Variants in PRDX6 observed in about 807,000 individuals in gnomAD.
The protein encoded by PRDX6 is peroxiredoxin-6.
A neutral mutation model predicts 20.0 loss-of-function variants in PRDX6; 13 were observed. The observed-to-expected ratio is 0.65, with a 90% CI of 0.42 to 1.03. PRDX6 has a LOEUF of 1.03. PRDX6 is among the 50% of genes least tolerant of loss of function. PRDX6 has a pLI of 0.00. For synonymous variants in PRDX6, 85 were observed against 100.8 expected, an observed-to-expected ratio of 0.84 and a Z score of 0.94; for missense variants, 203 against 276.9, an observed-to-expected ratio of 0.73 and a Z score of 1.89.
chr1:173,482,980 A>C (rs979599419), intron 2 of PRDX6, among the ~76,000 whole-genome samples: 7 of 152,236 alleles, frequency 4.6e-5, no homozygotes, highest in African/African-American at 7.2e-5. Flanking sequence ...GTTCTTTTTA[A>C]TGCAAGATGA....
rs1166405323 is a variant in PRDX6, at chr1:173,488,240, C to T, written c.*377C>T. The T allele has an allele frequency of 6.2e-6, 1 of 161,794 alleles. No homozygotes were observed. Among genetic ancestry groups the T allele is most frequent in the African/African-American group, 2.4e-5 (1 of 41,712 alleles). 10.0% of individuals were successfully genotyped at this position (161,794 alleles called of 1,614,324 possible). A position where few individuals can be genotyped will look rare whatever the true frequency, so the allele number is the denominator to read the frequency against. ...TTTTTTTTTAACTGTCCTATCACGT[C>T]CTCTCCTGTCACCCATTTTGAAGAG... On this transcript the variant is annotated 3_prime_UTR_variant, in exon 5 of 5. Coordinates refer to ENST00000340385, the MANE Select transcript of PRDX6 (RefSeq NM_004905.3).
At chr1:173,481,579 T>G in intron 2 of PRDX6, 97 bp downstream of exon 2, 1 of 1,293,492 alleles carries the variant, frequency 7.7e-7, no homozygotes, top group Non-Finnish European at 1.1e-6. Flanking sequence ...AAGTAAGCCT[T>G]AGGTTCAAAG....
rs1658935221 is a variant in PRDX6 at position 173,488,308 on chromosome 1, A to G, written c.*445A>G. The stretch of plus-strand genomic sequence containing the variant: ...CAACTTCCTCTGTAAATATCCAAGT[A>G]TAAAGCCCAGGAACTTCTAGAATAA... On this transcript the variant is annotated 3_prime_UTR_variant, in exon 5 of 5. Coordinates refer to ENST00000340385, the MANE Select transcript of PRDX6 (RefSeq NM_004905.3). The G allele has an allele frequency of 6.5e-6, 1 of 154,418 alleles. No homozygotes were observed. The allele number at this position is 154,418 out of a possible 1,614,324, so 9.6% of individuals were successfully genotyped here.
intron 1 of PRDX6, among the ~76,000 whole-genome samples, chr1:173,480,891 G>A (rs1404114618): frequency 6.6e-6 from 1 of 152,116 alleles, no homozygotes; most frequent in South Asian, 2.1e-4. Context: ...TGGATTCAGG[G>A]CATACTGGGA....
At chr1:173,487,708 T>C in intron 4 of PRDX6, 27 bp from the exon 5 acceptor site, 5 of 1,612,094 alleles carry the variant, frequency 3.1e-6, no homozygotes, top group Non-Finnish European at 4.2e-6. Context: ...GAGATTGAAT[T>C]TCACCATTCT....
At chr1:173,477,609 C>A in intron 1 of PRDX6, 117 bp downstream of exon 1, 1 of 851,662 alleles carries the variant, frequency 1.2e-6, no homozygotes, top group Non-Finnish European at 1.8e-6. Context: ...GCCGCCCTCG[C>A]CTTCCCCCGC....
chr1:173,480,099 T>C (rs1429004540), intron 1 of PRDX6, among the ~76,000 whole-genome samples: 1 of 152,238 alleles, frequency 6.6e-6, no homozygotes, highest in Non-Finnish European at 1.5e-5. Context: ...CTCTATGTTC[T>C]TCCTTTTGCC....
At position 173,488,033 on chromosome 1, in the gene PRDX6, A is replaced by G. The variant is rs546729955; in HGVS notation, c.*170A>G. 8.6e-6 allele frequency: 6 copies of G among 698,928 alleles called. No homozygotes were observed. The South Asian group carries it at 1.2e-4, about 14-fold the overall frequency. The allele number at this position is 698,928 out of a possible 1,614,324, so 43.3% of individuals were successfully genotyped here. On this transcript the variant is annotated 3_prime_UTR_variant, in exon 5 of 5. Transcript: ENST00000340385. ...CACTAAAAGTTTCTTGAGATTCTTT[A>G]TACTCTCTGCCTTCAGCAATCAATT...
At chr1:173,486,200 G>C (rs772028205) in intron 3 of PRDX6, 55 bp from the exon 4 acceptor site, 163 of 1,447,872 alleles carry the variant, frequency 1.1e-4, no homozygotes, top group Non-Finnish European at 1.5e-4. Flanking sequence ...CTTTCTAAGT[G>C]GCTTTAATAA....
Position 173,485,485 on chromosome 1 carries a change from G to T in PRDX6, c.377G>T (p.Gly126Val). 6.2e-7 allele frequency: 1 copy of T among 1,604,412 alleles called. No individual in the cohort carries two copies. Among genetic ancestry groups the T allele is most frequent in the Non-Finnish European group, 8.5e-7 (1 of 1,174,588 alleles). Residue 126 changes from glycine (G) to valine (V), a missense_variant, in exon 3 of 5, where the codon GGC becomes GTC. Coordinates refer to ENST00000340385, the MANE Select transcript of PRDX6 (RefSeq NM_004905.3). ...MLDPAEKDEK[G>V]MPVTARVVFV... ...GATCCAGCAGAGAAGGATGAAAAGG[G>T]CATGCCTGTGACAGCTCGTGTGGTA...
chr1:173,482,588 A>G (rs1658821810), intron 2 of PRDX6, among the ~76,000 whole-genome samples: 1 of 152,242 alleles, frequency 6.6e-6, no homozygotes, highest in Admixed American at 6.5e-5. Context: ...TAAGAACTTG[A>G]CTGCACTGTG....
intron 3 of PRDX6, 117 bp downstream of exon 3, chr1:173,485,624 T>C: frequency 1.0e-6 from 1 of 991,856 alleles, no homozygotes; most frequent in African/African-American, 1.7e-5. Context: ...AATAACTGTG[T>C]ATTGGCGACA....
chr1:173,487,004 T>C (rs1390703761), intron 4 of PRDX6, among the ~76,000 whole-genome samples: 1 of 152,240 alleles, frequency 6.6e-6, no homozygotes, highest in Non-Finnish European at 1.5e-5. Flanking sequence ...AGTTAACTTA[T>C]TATTACTTAT....
At chr1:173,480,943 A>T (rs1317878110) in intron 1 of PRDX6, among the ~76,000 whole-genome samples, 1 of 152,224 alleles carries the variant, frequency 6.6e-6, no homozygotes, top group Non-Finnish European at 1.5e-5. Flanking sequence ...ATGCTAGAAA[A>T]AAATGTAGAA....
chr1:173,477,954 C>T (rs1658732048), intron 1 of PRDX6, among the ~76,000 whole-genome samples: 1 of 152,210 alleles, frequency 6.6e-6, no homozygotes, highest in Non-Finnish European at 1.5e-5. Flanking sequence ...TCGCACCGCC[C>T]TCCCACCCTC....
intron 4 of PRDX6, among the ~76,000 whole-genome samples, chr1:173,487,204 G>A (rs1240557738): frequency 2.0e-5 from 3 of 152,214 alleles, no homozygotes; most frequent in African/African-American, 7.2e-5. Context: ...ACAGGGGTGG[G>A]AGAGTGACTG....
chr1:173,481,667 CCCT>C (rs1489788051), intron 2 of PRDX6, 185 bp downstream of exon 2: 2 of 622,584 alleles, frequency 3.2e-6, no homozygotes, highest in East Asian at 5.9e-5. Flanking sequence ...CAATTCTCAG[CCCT>C]CCTCTTGGCC....
intron 1 of PRDX6, among the ~76,000 whole-genome samples, chr1:173,478,568 C>T (rs1481417012): frequency 6.6e-6 from 1 of 151,552 alleles, no homozygotes; most frequent in Non-Finnish European, 1.5e-5. Flanking sequence ...GCTTAGTTTT[C>T]ATCAGAAGCA....
At chr1:173,478,903 T>C (rs768211284) in intron 1 of PRDX6, among the ~76,000 whole-genome samples, 1 of 152,232 alleles carries the variant, frequency 6.6e-6, no homozygotes, top group Non-Finnish European at 1.5e-5. Context: ...AAACCTTGAA[T>C]GCAGAAAAAT....
Sources: allele counts gnomAD v4.1 joint callset (sites outside exome capture counted in the v4.1 genomes callset), GRCh38; gene constraint gnomAD v4.1.1; transcripts MANE v1.5; gene names NCBI Gene and HGNC (gene_info 2026-07-23, HGNC 2026-07-21).